The following AGBL1 variants were observed in gnomAD, a reference collection of about 807,000 sequenced individuals.
The protein encoded by AGBL1 is AGBL carboxypeptidase 1.
In AGBL1, 130 loss-of-function variants were observed where a neutral mutation model predicts 118.9. The observed-to-expected ratio is 1.09, with a 90% confidence interval of 0.95 to 1.26. The LOEUF is 1.26. AGBL1 is among the 50% of genes most tolerant of loss of function. The pLI, the probability that AGBL1 is intolerant of heterozygous loss-of-function variation, is 0.00. For synonymous variants in AGBL1, 555 were observed against 478.9 expected (o/e 1.16, Z -2.08); for missense variants, 1,584 against 1,298.1 (o/e 1.22, Z -3.38).
At position 86,257,966 on chromosome 15, in the gene AGBL1, G is replaced by C; in HGVS notation, c.904G>C (p.Asp302His). The C allele has an allele frequency of 6.2e-7, 1 of 1,613,328 alleles. No individual in the cohort carries two copies. The highest frequency in any genetic ancestry group is 8.5e-7 in the Non-Finnish European group (1 of 1,179,710). ...TTCACCTCTTTTTCCCCATCCAGAG[G>C]ATTTTGAAGATGATGGCGATGATGA... ...TEPPHDLPEE[D>H]FEDDGDDEVD... is the part of the protein sequence containing the mutation. Residue 302 changes from aspartate (D) to histidine (H), a missense_variant and splice_region_variant, in exon 9 of 23, where the codon GAT (aspartate) becomes CAT (histidine). Coordinates refer to ENST00000614907, the MANE Select transcript of AGBL1 (RefSeq NM_001386094.1).
chr15:86,170,976 G>C (rs1485015833), intron 5 of AGBL1, among the ~76,000 whole-genome samples: 1 of 152,028 alleles, frequency 6.6e-6, no homozygotes, highest in Non-Finnish European at 1.5e-5. Flanking sequence ...CAGATTTCTT[G>C]TTGGAAACAA....
intron 22 of AGBL1, among the ~76,000 whole-genome samples, chr15:86,773,939 C>T (rs543943451): frequency 1.3e-5 from 2 of 152,222 alleles, no homozygotes; most frequent in South Asian, 4.1e-4. Flanking sequence ...AATAGGCTGG[C>T]TCTGAGAGGG....
chr15:86,415,309 C>T (rs2081676556), intron 18 of AGBL1, among the ~76,000 whole-genome samples: 2 of 152,156 alleles, frequency 1.3e-5, no homozygotes, highest in South Asian at 4.1e-4. Flanking sequence ...CTTCAGCAGC[C>T]AGTAGCAGCT....
chr15:86,696,260 T>A (rs1173990037), intron 22 of AGBL1, among the ~76,000 whole-genome samples: 4 of 151,984 alleles, frequency 2.6e-5, no homozygotes, highest in Non-Finnish European at 5.9e-5. Context: ...ATTTGGGAGC[T>A]CCAGTGTTAG....
intron 21 of AGBL1, among the ~76,000 whole-genome samples, chr15:86,599,262 T>C (rs11073649): frequency 0.43 from 62,712 of 146,576 alleles, 13,692 homozygotes; most frequent in Middle Eastern, 0.5. Flanking sequence ...TATAGTCATA[T>C]GTTTTTCCCC....
intron 22 of AGBL1, among the ~76,000 whole-genome samples, chr15:86,870,765 G>A (rs182904238): frequency 2.0e-5 from 3 of 152,234 alleles, no homozygotes; most frequent in Non-Finnish European, 2.9e-5. Flanking sequence ...CAGGATAAAC[G>A]GGCTTGCTGG....
chr15:86,385,881 A>G (rs1283422871), intron 17 of AGBL1, among the ~76,000 whole-genome samples: 1 of 151,606 alleles, frequency 6.6e-6, no homozygotes. Context: ...TGGTTTTCCT[A>G]TCTGACTTTT....
At chr15:86,298,726 A>G (rs2079697508) in intron 17 of AGBL1, among the ~76,000 whole-genome samples, 1 of 151,910 alleles carries the variant, frequency 6.6e-6, no homozygotes, top group Admixed American at 6.6e-5. Context: ...GCTGTCACTC[A>G]CCCCTCATAA....
At chr15:86,268,909 ATTTTCC>A (rs1323864656) in intron 13 of AGBL1, among the ~76,000 whole-genome samples, 1 of 152,220 alleles carries the variant, frequency 6.6e-6, no homozygotes, top group Non-Finnish European at 1.5e-5. Context: ...GGGCAAAAAC[ATTTTCC>A]TTTTCATAAG....
rs1157674222 is a variant in AGBL1, at chr15:86,636,702, CATATATATAT to C, written c.2995-37523_2995-37514del. ...TACAGCTTTGCATGGAACCACCAGT[CATATATATAT>C]ATATATATATATATATATATATATA... On this transcript the variant is annotated intron_variant, in intron 21 of 22. Coordinates refer to ENST00000614907, the MANE Select transcript of AGBL1 (RefSeq NM_001386094.1). Among the ~76,000 whole-genome samples the C allele has an allele frequency of 6.6e-3, 177 of 26,740 alleles. 4 individuals carry two copies. The highest frequency in any genetic ancestry group is 0.01 in the Non-Finnish European group (120 of 11,668). 17.5% of individuals were successfully genotyped at this position (26,740 alleles called of 152,430 possible).
intron 1 of AGBL1, among the ~76,000 whole-genome samples, chr15:86,080,475 T>C (rs577574172): frequency 4.5e-4 from 68 of 152,300 alleles, no homozygotes; most frequent in Non-Finnish European, 8.8e-4. Context: ...TCCCACATTG[T>C]AGTTACATCA....
intron 16 of AGBL1, among the ~76,000 whole-genome samples, chr15:86,284,909 T>C (rs1354825004): frequency 2.0e-5 from 3 of 152,162 alleles, no homozygotes; most frequent in Non-Finnish European, 4.4e-5. Context: ...CAGGATTTTC[T>C]TTTAAGAAGT....
chr15:86,980,256 A>G (rs1399515674), intron 23 of AGBL1, among the ~76,000 whole-genome samples: 1 of 152,212 alleles, frequency 6.6e-6, no homozygotes, highest in Non-Finnish European at 1.5e-5. Context: ...ACCTGTTTAT[A>G]GACGGTGGCC....
At chr15:86,969,058 A>G (rs2081082105) in intron 23 of AGBL1, among the ~76,000 whole-genome samples, 2 of 151,970 alleles carry the variant, frequency 1.3e-5, no homozygotes, top group African/African-American at 2.4e-5. Context: ...TACTCTGCCC[A>G]TGGCCTCCCA....
intron 21 of AGBL1, chr15:86,556,157 C>T: frequency 7.3e-7 from 1 of 1,379,278 alleles, no homozygotes; most frequent in South Asian, 1.3e-5. Context: ...ACTCAAAGTT[C>T]TCTGGAGCTG....
intron 21 of AGBL1, among the ~76,000 whole-genome samples, chr15:86,633,629 G>A (rs951178646): frequency 6.6e-6 from 1 of 151,496 alleles, no homozygotes; most frequent in Admixed American, 6.6e-5. Context: ...AATCCCAAGG[G>A]AGTAAAAAAG....
At chr15:86,526,305 T>C (rs1443844569) in intron 19 of AGBL1, among the ~76,000 whole-genome samples, 3 of 152,030 alleles carry the variant, frequency 2.0e-5, no homozygotes, top group African/African-American at 4.8e-5. Flanking sequence ...AACAGTATGG[T>C]GATTTCTCAA....
chr15:86,418,795 T>C (rs4887454), intron 18 of AGBL1, among the ~76,000 whole-genome samples: 101,777 of 151,954 alleles, frequency 0.67, 36,209 homozygotes, highest in African/African-American at 0.91. Flanking sequence ...TTACCTGTCC[T>C]CAGAATAGAT....
At chr15:86,744,048 A>G (rs1472825847) in intron 22 of AGBL1, among the ~76,000 whole-genome samples, 1 of 152,156 alleles carries the variant, frequency 6.6e-6, no homozygotes, top group Non-Finnish European at 1.5e-5. Context: ...TTCAAGGGAT[A>G]CAGATACATA....
Sources: allele counts gnomAD v4.1 joint callset (sites outside exome capture counted in the v4.1 genomes callset), GRCh38; gene constraint gnomAD v4.1.1; transcripts MANE v1.5; gene names NCBI Gene and HGNC (gene_info 2026-07-23, HGNC 2026-07-21).